Variants in CWC27 observed in about 807,000 individuals in gnomAD.
CWC27 encodes CWC27 spliceosome associated cyclophilin.
A neutral mutation model predicts 63.6 loss-of-function variants in CWC27; 47 were observed. The ratio of observed to expected loss-of-function variants is 0.74; its 90% confidence interval spans 0.58 to 0.94. The LOEUF is 0.94. CWC27 is among the 40% of genes least tolerant of loss of function. The pLI, the probability that CWC27 is intolerant of heterozygous loss-of-function variation, is 0.00. For missense variants in CWC27, 495 were observed against 554.3 expected (o/e 0.89, Z 1.07); for synonymous variants, 175 against 179.8 (o/e 0.97, Z 0.22).
chr5:64,828,698 A>C (rs1745432796), intron 10 of CWC27, among the ~76,000 whole-genome samples: 1 of 152,116 alleles, frequency 6.6e-6, no homozygotes, highest in Non-Finnish European at 1.5e-5. Context: ...TGAATAGAAG[A>C]TAAGTGACTT....
chr5:64,993,540 G>T (rs2112460289), intron 13 of CWC27, among the ~76,000 whole-genome samples: 1 of 152,144 alleles, frequency 6.6e-6, no homozygotes, highest in East Asian at 1.9e-4. Flanking sequence ...TGCGGAGGCT[G>T]GCAGACTTAG....
At chr5:64,976,992 G>T in intron 12 of CWC27, 143 bp from the exon 13 acceptor site, 2 of 461,026 alleles carry the variant, frequency 4.3e-6, no homozygotes, top group Non-Finnish European at 3.9e-6. Context: ...GCAGCCTAAA[G>T]GTAGTTTTGT....
At chr5:64,804,779 CT>C (rs1230450291) in intron 10 of CWC27, 1 of 155,028 alleles carries the variant, frequency 6.5e-6, no homozygotes, top group African/African-American at 2.4e-5. Context: ...TTTGTCAAAA[CT>C]GATGAAGAAA....
chr5:64,849,682 C>A (rs1383439670), intron 10 of CWC27, among the ~76,000 whole-genome samples: 1 of 146,476 alleles, frequency 6.8e-6, no homozygotes, highest in Non-Finnish European at 1.5e-5. Context: ...GTAATTCCCC[C>A]ATGTCAAGGG....
chr5:64,948,419 G>A (rs1748635211), intron 11 of CWC27, among the ~76,000 whole-genome samples: 1 of 151,468 alleles, frequency 6.6e-6, no homozygotes, highest in Non-Finnish European at 1.5e-5. Context: ...TATATATACA[G>A]TTTTATCTAG....
chr5:64,981,087 G>A (rs532440248), intron 13 of CWC27, among the ~76,000 whole-genome samples: 77 of 151,592 alleles, frequency 5.1e-4, no homozygotes, highest in African/African-American at 1.6e-3. Context: ...GCAAAACTCC[G>A]TCTCAAAAAA....
intron 10 of CWC27, among the ~76,000 whole-genome samples, chr5:64,835,821 G>A (rs987721019): frequency 1.3e-5 from 2 of 151,484 alleles, no homozygotes; most frequent in Non-Finnish European, 3.0e-5. Flanking sequence ...CTGTATTTTT[G>A]CCTAAGGAAA....
At chr5:64,997,739 A>AG (rs1749662013) in intron 13 of CWC27, among the ~76,000 whole-genome samples, 1 of 152,086 alleles carries the variant, frequency 6.6e-6, no homozygotes, top group East Asian at 1.9e-4. Context: ...AAAGTAGGGG[A>AG]GGGGACACAG....
At position 64,892,366 on chromosome 5, in the gene CWC27, A is replaced by T. The variant is rs1036443929; in HGVS notation, c.1042+6820A>T. The stretch of plus-strand genomic sequence containing the variant: ...GGGGTCATTACTGTCTCTTTATTTA[A>T]AAAAAAAAGCTGTATTTCTTACATT... On this transcript the variant is annotated intron_variant, in intron 11 of 13. Transcript: ENST00000381070. Among the ~76,000 whole-genome samples the T allele has an allele frequency of 2.1e-4, 31 of 149,036 alleles. No individual in the cohort carries two copies. In the Admixed American group the frequency reaches 2.1e-3, roughly 10 times the overall value.
intron 11 of CWC27, among the ~76,000 whole-genome samples, chr5:64,916,042 C>CA (rs1446414246): frequency 3.9e-5 from 6 of 152,250 alleles, no homozygotes; most frequent in African/African-American, 1.4e-4. Context: ...TGAGAAAGAG[C>CA]AAAGCTCAAG....
chr5:64,974,171 G>A (rs977146523), intron 12 of CWC27, among the ~76,000 whole-genome samples: 4 of 151,938 alleles, frequency 2.6e-5, no homozygotes, highest in African/African-American at 7.3e-5. Flanking sequence ...CCAGTAGGTC[G>A]ACGCTGTAGT....
Position 64,942,925 on chromosome 5 carries a change from C to T in CWC27, c.1043-28778C>T, listed in dbSNP as rs1352143363. 2.6e-5 allele frequency among the ~76,000 whole-genome samples: 4 copies of T among 152,032 alleles called. No homozygotes were observed. The East Asian group carries it at 7.7e-4, about 29-fold the overall frequency. On this transcript the variant is annotated intron_variant, in intron 11 of 13. Coordinates refer to ENST00000381070, the MANE Select transcript of CWC27 (RefSeq NM_005869.4). ...TTGTGTGGTGAAGAGGCTCATTGTA[C>T]TCAGGTATACAAAAATGATTCCAGA...
At chr5:64,812,199 A>G (rs1221197728) in intron 10 of CWC27, among the ~76,000 whole-genome samples, 1 of 152,106 alleles carries the variant, frequency 6.6e-6, no homozygotes, top group Non-Finnish European at 1.5e-5. Context: ...AAAGGATAGT[A>G]TACATTTTTA....
chr5:64,807,644 C>T (rs564307043), intron 10 of CWC27: 26 of 1,535,826 alleles, frequency 1.7e-5, no homozygotes, highest in Non-Finnish European at 2.2e-5. Flanking sequence ...TACAGCTCAG[C>T]AGAATCACAC....
intron 13 of CWC27, among the ~76,000 whole-genome samples, chr5:64,988,716 G>T (rs1045438535): frequency 6.6e-6 from 1 of 150,710 alleles, no homozygotes; most frequent in Admixed American, 6.6e-5. Flanking sequence ...AGACTCTCTT[G>T]CCTCAGGCTC....
At chr5:64,911,558 T>A (rs1180148323) in intron 11 of CWC27, among the ~76,000 whole-genome samples, 1 of 152,176 alleles carries the variant, frequency 6.6e-6, no homozygotes, top group South Asian at 2.1e-4. Flanking sequence ...CAGTGGAGAA[T>A]GGAGGATCAG....
Position 64,831,927 on chromosome 5 carries a change from A to G in CWC27, c.938+27541A>G, listed in dbSNP as rs139151071. On this transcript the variant is annotated intron_variant, in intron 10 of 13. Coordinates refer to ENST00000381070, the MANE Select transcript of CWC27 (RefSeq NM_005869.4). ...TGTATGTACTATGTTGTCTTGGTCA[A>G]GCTGTAGAAGGCAAATCTGGCTTTA... 6.9e-4 allele frequency among the ~76,000 whole-genome samples: 105 copies of G among 152,046 alleles called. 1 individual carries two copies. The East Asian group carries it at 0.019, about 28-fold the overall frequency.
At chr5:65,004,905 T>TATATATAC (rs1554030581) in intron 13 of CWC27, among the ~76,000 whole-genome samples, 5 of 63,544 alleles carry the variant, frequency 7.9e-5, no homozygotes, top group African/African-American at 1.2e-4. Context: ...TATATATATA[T>TATATATAC]ACATACACAC....
chr5:64,880,854 ATTT>A (rs35152901), intron 10 of CWC27, among the ~76,000 whole-genome samples: 2 of 136,020 alleles, frequency 1.5e-5, no homozygotes, highest in Non-Finnish European at 3.2e-5. Context: ...TATAAAAGCC[ATTT>A]TTTTTTTTTT....
Sources: allele counts gnomAD v4.1 joint callset (sites outside exome capture counted in the v4.1 genomes callset), GRCh38; gene constraint gnomAD v4.1.1; transcripts MANE v1.5; gene names NCBI Gene and HGNC (gene_info 2026-07-23, HGNC 2026-07-21).